Variants in NREP observed in about 807,000 individuals in gnomAD.
NREP encodes neuronal regeneration related protein.
A neutral mutation model predicts 8.6 loss-of-function variants in NREP; 5 were observed. The ratio of observed to expected loss-of-function variants is 0.58; its 90% CI spans 0.30 to 1.22. The LOEUF (loss-of-function observed/expected upper bound fraction) is 1.22. NREP is among the 50% of genes most tolerant of loss of function. The pLI is 0.07. For synonymous variants in NREP, 27 were observed against 28.0 expected (o/e 0.96, Z 0.11); for missense variants, 86 against 82.5 (o/e 1.04, Z -0.17).
At position 111,893,755 on chromosome 5, in the gene NREP, G is replaced by T. The variant is rs867087591; in HGVS notation, c.135+81519C>A. On this transcript the variant is annotated intron_variant, in intron 2 of 3. Transcript: ENST00000395634. ...TAATTTAATTTGCTAATTGGTTAAG[G>T]GTTTTTCAATTATTTTGGGAAAACC... Among the ~76,000 whole-genome samples the T allele has an allele frequency of 4.0e-5, 6 of 151,370 alleles. No individual in the cohort carries two copies. In the East Asian group the frequency reaches 9.9e-4, roughly 25 times the overall value.
Position 111,731,042 on chromosome 5 carries a change from C to G in NREP, c.86G>C (p.Arg29Thr). The change falls in exon 4 of 4, where the codon AGA (arginine) becomes ACA (threonine). Residue 29 changes from arginine (R) to threonine (T), a missense_variant. By Grantham distance (71) the Arg-to-Thr change is moderately conservative. Transcript: ENST00000257435. ...KDMEGRLPKGRLPVPKEVNRK... is the reference protein window; with the variant it reads ...KDMEGRLPKGTLPVPKEVNRK... ...GTTCACTTCCTTTGGGACAGGAAGT[C>G]TTCCCTGCAAAGCAGGCAGACCCAC... 1 of 1,613,806 alleles carries G rather than the reference C, an allele frequency of 6.2e-7. No homozygotes were observed. Among genetic ancestry groups the G allele is most frequent in the South Asian group, 1.1e-5 (1 of 91,072 alleles).
intron 2 of NREP, among the ~76,000 whole-genome samples, chr5:111,745,480 C>T (rs1749943736): frequency 6.6e-6 from 1 of 152,162 alleles, no homozygotes; most frequent in Non-Finnish European, 1.5e-5. Context: ...ATCATTGCAG[C>T]TAATAACAAA....
chr5:111,734,962 C>T (rs889680109), intron 3 of NREP: 17 of 399,494 alleles, frequency 4.3e-5, no homozygotes, highest in African/African-American at 1.4e-4. Flanking sequence ...AATGAAACCA[C>T]GTTTATAAAA....
At chr5:111,966,940 GC>G (rs927348911) in intron 2 of NREP, among the ~76,000 whole-genome samples, 3 of 152,276 alleles carry the variant, frequency 2.0e-5, no homozygotes, top group African/African-American at 7.2e-5. Context: ...GAATGGCTGT[GC>G]CCAAGAAAGG....
At chr5:111,960,536 T>C (rs1243810460) in intron 2 of NREP, among the ~76,000 whole-genome samples, 1 of 152,200 alleles carries the variant, frequency 6.6e-6, no homozygotes, top group Non-Finnish European at 1.5e-5. Context: ...ATCCAGGGGA[T>C]AGGTCAAAAA....
At chr5:111,781,073 GTA>G (rs1751482899) in intron 2 of NREP, among the ~76,000 whole-genome samples, 1 of 152,042 alleles carries the variant, frequency 6.6e-6, no homozygotes, top group South Asian at 2.1e-4. Context: ...GGGGTTTGTG[GTA>G]TAGATTATTT....
chr5:111,759,107 T>C (rs778709329), upstream of NREP, among the ~76,000 whole-genome samples: 10 of 152,162 alleles, frequency 6.6e-5, no homozygotes, highest in Non-Finnish European at 1.2e-4. Flanking sequence ...GTGTAAGGCA[T>C]AGGCTGGGTG....
chr5:111,841,137 G>A (rs911914752), intron 2 of NREP, among the ~76,000 whole-genome samples: 4 of 152,124 alleles, frequency 2.6e-5, no homozygotes, highest in Non-Finnish European at 5.9e-5. Context: ...CAATACAAGG[G>A]TGCATTATCA....
rs953388487 is a variant in NREP, at chr5:111,729,466, C to CTGT, written c.*1452_*1454dup. ...ACATAAATGCCACAGATGCAGAATA[C>CTGT]TGTTTTCTTGCTCTATTTACACAGC... On this transcript the variant is annotated 3_prime_UTR_variant, in exon 4 of 4. Transcript: ENST00000257435. 4.6e-5 allele frequency: 7 copies of CTGT among 152,628 alleles called. No individual in the cohort carries two copies. Among genetic ancestry groups the CTGT allele is most frequent in the African/African-American group, 1.7e-4 (7 of 41,468 alleles). 9.5% of individuals were successfully genotyped at this position (152,628 alleles called of 1,614,324 possible).
intron 2 of NREP, among the ~76,000 whole-genome samples, chr5:111,904,438 C>T (rs973814251): frequency 2.0e-5 from 3 of 152,110 alleles, no homozygotes; most frequent in Non-Finnish European, 4.4e-5. Flanking sequence ...AAACCCCTGA[C>T]AACCACTGAT....
intron 2 of NREP, among the ~76,000 whole-genome samples, chr5:111,937,054 C>A (rs1755704858): frequency 6.6e-6 from 1 of 152,076 alleles, no homozygotes; most frequent in Non-Finnish European, 1.5e-5. Context: ...AATTTCTTTA[C>A]AATTGACAAT....
intron 2 of NREP, among the ~76,000 whole-genome samples, chr5:111,795,573 T>C (rs1007411662): frequency 6.6e-6 from 1 of 152,248 alleles, no homozygotes; most frequent in African/African-American, 2.4e-5. Flanking sequence ...ATATGAGAGA[T>C]AAATTCCTTT....
intron 2 of NREP, among the ~76,000 whole-genome samples, chr5:111,881,166 G>A (rs1754054411): frequency 6.6e-6 from 1 of 151,876 alleles, no homozygotes; most frequent in South Asian, 2.1e-4. Flanking sequence ...GGCGCACCAG[G>A]AGATTATATC....
In NREP at chr5:111,961,411, ACTTAGCAGAGCTTC is replaced by A. The variant is rs557607062; in HGVS notation, c.135+13849_135+13862del. Among the ~76,000 whole-genome samples the A allele has an allele frequency of 2.0e-5, 3 of 152,370 alleles. No homozygotes were observed. In the South Asian group the frequency reaches 6.2e-4, roughly 32 times the overall value. ...GCCAAGTTCCATTCATCTGTGGTCC[ACTTAGCAGAGCTTC>A]CTTAATTTGACAATAAAATAAAATA... On this transcript the variant is annotated intron_variant, in intron 2 of 3. Transcript: ENST00000395634.
At chr5:111,788,992 G>A (rs976773946) in intron 2 of NREP, among the ~76,000 whole-genome samples, 4 of 152,158 alleles carry the variant, frequency 2.6e-5, no homozygotes, top group Non-Finnish European at 4.4e-5. Flanking sequence ...TGAGCTCTTC[G>A]TGGCTCTACA....
intron 2 of NREP, among the ~76,000 whole-genome samples, chr5:111,867,959 T>C (rs1174811077): frequency 6.6e-6 from 1 of 152,012 alleles, no homozygotes; most frequent in Non-Finnish European, 1.5e-5. Context: ...CCAAAAAGAA[T>C]CCCCGTACCT....
At chr5:111,919,080 C>T (rs574630693) in intron 2 of NREP, among the ~76,000 whole-genome samples, 12 of 151,290 alleles carry the variant, frequency 7.9e-5, no homozygotes, top group East Asian at 7.8e-4. Flanking sequence ...AGGATACGAA[C>T]GGACACTTCT....
rs193237069 is a variant in NREP, at chr5:111,903,968, A to T, written c.135+71306T>A. Among the ~76,000 whole-genome samples, 416 of 152,284 alleles carry T rather than the reference A, an allele frequency of 2.7e-3. 1 individual carries two copies. The highest frequency in any genetic ancestry group is 3.7e-3 in the Non-Finnish European group (249 of 68,010). On this transcript the variant is annotated intron_variant, in intron 2 of 3. Coordinates refer to the NREP transcript ENST00000395634. ...GTAACCTCAATTTAGTCTACCAATTAATGAAAGTAATTTGTCTATACAAAT... is the reference window on the plus strand; with the variant it reads ...GTAACCTCAATTTAGTCTACCAATTTATGAAAGTAATTTGTCTATACAAAT...
intron 2 of NREP, among the ~76,000 whole-genome samples, chr5:111,905,224 G>T (rs1451138712): frequency 6.6e-6 from 1 of 152,072 alleles, no homozygotes. Context: ...ATTCATTTGG[G>T]TAAGTACCTA....
Sources: gnomAD v4.1 joint callset for allele counts (sites outside exome capture counted in the v4.1 genomes callset) on GRCh38, gnomAD v4.1.1 for gene constraint, MANE v1.5 for transcripts, NCBI Gene and HGNC (gene_info 2026-07-23, HGNC 2026-07-21) for gene names.